The following ABTB3 variants were observed in gnomAD, a reference collection of about 807,000 sequenced individuals.
ABTB3 encodes ankyrin repeat- and BTB/POZ domain-containing protein 3.
At chr12:107,320,425 C>A in the ABTB3 span, among the ~76,000 whole-genome samples, 2 of 152,256 alleles carry the variant, frequency 1.3e-5, no homozygotes, top group Non-Finnish European at 2.9e-5. Context: ...TCCACCCCTG[C>A]ACTGTTTGTT....
chr12:107,482,993 C>CCTTCTTTCCTTCT, the ABTB3 span, among the ~76,000 whole-genome samples: 1 of 54,938 alleles, frequency 1.8e-5, no homozygotes, highest in African/African-American at 9.0e-5. Context: ...TCTTTCCTTC[C>CCTTCTTTCCTTCT]TTCCTTCCTT....
the ABTB3 span, among the ~76,000 whole-genome samples, chr12:107,335,262 G>T: frequency 2.7e-5 from 3 of 110,472 alleles, no homozygotes; most frequent in African/African-American, 1.1e-4. Flanking sequence ...ATTCCAGCCT[G>T]GGTGACAGAT....
the ABTB3 span, among the ~76,000 whole-genome samples, chr12:107,373,682 T>G: frequency 8.5e-5 from 13 of 152,200 alleles, no homozygotes; most frequent in African/African-American, 2.9e-4. Flanking sequence ...CAACTAAAAT[T>G]GAGTCAGCTG....
At chr12:107,464,222 T>TGA in the ABTB3 span, among the ~76,000 whole-genome samples, 1 of 123,722 alleles carries the variant, frequency 8.1e-6, no homozygotes, top group African/African-American at 4.0e-5. Context: ...TGTGTGTGTG[T>TGA]GTGTGTGTGT....
chr12:107,419,042 T>C, the ABTB3 span, among the ~76,000 whole-genome samples: 2 of 152,178 alleles, frequency 1.3e-5, no homozygotes, highest in Admixed American at 6.5e-5. Flanking sequence ...AAACAAACAC[T>C]TTGAGAATGC....
At chr12:107,622,163 A>G in the ABTB3 span, among the ~76,000 whole-genome samples, 167 of 152,276 alleles carry the variant, frequency 1.1e-3, 1 homozygote, top group East Asian at 0.024. Flanking sequence ...AGGGGGTTCA[A>G]TGGCATCCCC....
chr12:107,320,336 T>A, the ABTB3 span, among the ~76,000 whole-genome samples: 1 of 152,232 alleles, frequency 6.6e-6, no homozygotes, highest in African/African-American at 2.4e-5. Flanking sequence ...GGGCGACAGC[T>A]GCCTCCAGCA....
chr12:107,496,493 G>A, the ABTB3 span, among the ~76,000 whole-genome samples: 7 of 152,132 alleles, frequency 4.6e-5, no homozygotes, highest in African/African-American at 1.4e-4. Context: ...TTTGGTGTCC[G>A]GGATGGTAGC....
At chr12:107,642,317 T>G in the ABTB3 span, 5 of 681,164 alleles carry the variant, frequency 7.3e-6, no homozygotes, top group Non-Finnish European at 1.3e-5. Context: ...CTCCTCACAG[T>G]GCCCCTTCCG....
At chr12:107,459,046 A>G in the ABTB3 span, among the ~76,000 whole-genome samples, 1 of 152,292 alleles carries the variant, frequency 6.6e-6, no homozygotes, top group Non-Finnish European at 1.5e-5. Flanking sequence ...TGCAAATAAT[A>G]AAAAACAATC....
chr12:107,581,261 C>G, the ABTB3 span: 1 of 1,510,838 alleles, frequency 6.6e-7, no homozygotes, highest in Non-Finnish European at 8.8e-7. Flanking sequence ...CCAGGCGGCC[C>G]GGCTGCTGCT....
chr12:107,576,510 C>G, the ABTB3 span, among the ~76,000 whole-genome samples: 1 of 152,222 alleles, frequency 6.6e-6, no homozygotes, highest in African/African-American at 2.4e-5. Context: ...CTTCTAAGGA[C>G]ATCAGTCAGA....
chr12:107,581,706 C>T, the ABTB3 span, among the ~76,000 whole-genome samples: 1 of 152,150 alleles, frequency 6.6e-6, no homozygotes, highest in Non-Finnish European at 1.5e-5. Context: ...TTTTCACTTG[C>T]GTGAGGATGG....
the ABTB3 span, among the ~76,000 whole-genome samples, chr12:107,439,502 G>T: frequency 0.021 from 3,249 of 152,204 alleles, 113 homozygotes; most frequent in African/African-American, 0.074. Context: ...GGGCTCCAGT[G>T]TATCTTGGGA....
chr12:107,586,762 C>A, the ABTB3 span, among the ~76,000 whole-genome samples: 7,526 of 152,214 alleles, frequency 0.049, 597 homozygotes, highest in African/African-American at 0.17. Flanking sequence ...ATGTATGGAG[C>A]ACCTGCTGTG....
the ABTB3 span, among the ~76,000 whole-genome samples, chr12:107,605,480 C>T: frequency 6.6e-6 from 1 of 152,100 alleles, no homozygotes; most frequent in Admixed American, 6.5e-5. Context: ...GGAGCTGAGT[C>T]CTCTAGGCAG....
At chr12:107,383,249 C>CA in the ABTB3 span, among the ~76,000 whole-genome samples, 1 of 152,250 alleles carries the variant, frequency 6.6e-6, no homozygotes. Context: ...CCCATTTGCC[C>CA]TGCAGGTATG....
At chr12:107,613,789 A>C in the ABTB3 span, among the ~76,000 whole-genome samples, 10 of 152,152 alleles carry the variant, frequency 6.6e-5, no homozygotes, top group Non-Finnish European at 1.5e-4. Flanking sequence ...TGACGGGCTG[A>C]AATCATAACT....
At chr12:107,622,226 T>TG in the ABTB3 span, among the ~76,000 whole-genome samples, 8 of 151,746 alleles carry the variant, frequency 5.3e-5, no homozygotes, top group Non-Finnish European at 8.8e-5. Flanking sequence ...TGGCCGGGGG[T>TG]GGGAGCGGGT....
Sources: allele counts gnomAD v4.1 joint callset (sites outside exome capture counted in the v4.1 genomes callset), GRCh38; gene constraint gnomAD v4.1.1; transcripts MANE v1.5; gene names NCBI Gene and HGNC (gene_info 2026-07-23, HGNC 2026-07-21).